The following CASTOR2 variants were observed in gnomAD, a reference collection of about 807,000 sequenced individuals.
The protein encoded by CASTOR2 is cytosolic arginine sensor for mTORC1 subunit 2.
A neutral mutation model predicts 31.2 loss-of-function variants in CASTOR2; 8 were observed. That is an observed-to-expected ratio of 0.26 (90% CI 0.15 to 0.46). CASTOR2 has a LOEUF of 0.46. Among genes scored for constraint, CASTOR2 ranks in the 20% least tolerant of loss-of-function variants. The pLI is 0.99. For synonymous variants in CASTOR2, 162 were observed against 158.7 expected (o/e 1.02, Z -0.16); for missense variants, 216 against 382.1 (o/e 0.57, Z 3.62).
At chr7:74,990,593 G>T (rs1192645776) in intron 1 of CASTOR2, among the ~76,000 whole-genome samples, 1 of 151,902 alleles carries the variant, frequency 6.6e-6, no homozygotes, top group Middle Eastern at 3.4e-3. Context: ...GGTGGCTCAC[G>T]CCCATAATCC....
chr7:75,018,509 A>T (rs1804917698), intron 4 of CASTOR2, among the ~76,000 whole-genome samples: 1 of 152,276 alleles, frequency 6.6e-6, no homozygotes, highest in East Asian at 1.9e-4. Flanking sequence ...ATTGCACTCC[A>T]GTCTGGGCAA....
chr7:75,024,490 A>G lies in CASTOR2; in HGVS notation c.880A>G (p.Ile294Val). Residue 294 changes from isoleucine (I) to valine (V), a missense_variant, in exon 8 of 9, where the codon ATC becomes GTC. By Grantham distance (29) the Ile-to-Val change is conservative. This residue lies in a region of CASTOR2 where 22 missense variants were observed against 66.4 expected (regional missense o/e 0.33). Coordinates refer to ENST00000616305, the MANE Select transcript of CASTOR2 (RefSeq NM_001145064.3). ...QISEPLAAAD[I>V]PAYYISTFKF... ...CTCAGAGCCCTTGGCTGCTGCAGACATCCCAGCCTACTACATCAGTACTTT... is the reference window on the plus strand; with the variant it reads ...CTCAGAGCCCTTGGCTGCTGCAGACGTCCCAGCCTACTACATCAGTACTTT... The G allele has an allele frequency of 6.4e-7, 1 of 1,551,554 alleles. No homozygotes were observed. The highest frequency in any genetic ancestry group is 1.2e-5 in the South Asian group (1 of 84,056).
rs1584480733 is a variant in CASTOR2 at position 75,026,879 on chromosome 7, C to T, written c.*2180C>T. On this transcript the variant is annotated 3_prime_UTR_variant, in exon 9 of 9. Transcript: ENST00000616305. ...TCCCGCCGTGCAAGTGTGTCGGCCCCGTGACCCCAGAGTCGTGTGTCCCCT... is the reference window on the plus strand; with the variant it reads ...TCCCGCCGTGCAAGTGTGTCGGCCCTGTGACCCCAGAGTCGTGTGTCCCCT... Among the ~76,000 whole-genome samples, 6 of 152,172 alleles carry T rather than the reference C, an allele frequency of 3.9e-5. No homozygotes were observed. Among genetic ancestry groups the T allele is most frequent in the East Asian group, 3.9e-4 (2 of 5,184 alleles).
At chr7:74,992,758 C>T (rs1393015611) in intron 1 of CASTOR2, among the ~76,000 whole-genome samples, 7 of 152,068 alleles carry the variant, frequency 4.6e-5, no homozygotes, top group Admixed American at 2.0e-4. Context: ...TTTAAATCAG[C>T]CTGGTATGGT....
At chr7:75,003,995 G>A (rs1411062837) in intron 1 of CASTOR2, among the ~76,000 whole-genome samples, 2 of 152,172 alleles carry the variant, frequency 1.3e-5, no homozygotes, top group Non-Finnish European at 2.9e-5. Context: ...TTCTGCTGGT[G>A]TTTATGCCCT....
At chr7:74,993,987 C>T (rs2131933513) in intron 1 of CASTOR2, among the ~76,000 whole-genome samples, 1 of 152,322 alleles carries the variant, frequency 6.6e-6, no homozygotes, top group African/African-American at 2.4e-5. Flanking sequence ...CTGGCTGGGC[C>T]AGGGCTCCTC....
At chr7:74,986,520 A>G (rs1344112116) in intron 1 of CASTOR2, among the ~76,000 whole-genome samples, 8 of 151,788 alleles carry the variant, frequency 5.3e-5, no homozygotes, top group Admixed American at 2.6e-4. Flanking sequence ...GAAAAGAAAA[A>G]AAAAGAACAT....
At chr7:74,979,417 C>G in intron 1 of CASTOR2, among the ~76,000 whole-genome samples, 1 of 122,766 alleles carries the variant, frequency 8.1e-6, no homozygotes, top group South Asian at 2.7e-4. Context: ...TTTTTTGAGA[C>G]GGAGTCTTAC....
intron 1 of CASTOR2, among the ~76,000 whole-genome samples, chr7:74,977,264 T>C (rs1436243290): frequency 6.6e-6 from 1 of 150,988 alleles, no homozygotes; most frequent in East Asian, 1.9e-4. Flanking sequence ...AAAGGTTTTC[T>C]CTTATAACAG....
chr7:75,014,419 CA>C (rs1193842037), intron 2 of CASTOR2, among the ~76,000 whole-genome samples: 10,935 of 57,550 alleles, frequency 0.19, 449 homozygotes, highest in Non-Finnish European at 0.23. Context: ...ACTAAAAATA[CA>C]AAAAAAAAAA....
At chr7:74,975,330 C>CA (rs1244697921) in intron 1 of CASTOR2, among the ~76,000 whole-genome samples, 1 of 150,294 alleles carries the variant, frequency 6.7e-6, no homozygotes, top group Non-Finnish European at 1.5e-5. Context: ...ACGCCGGTCT[C>CA]AAACTCCTGA....
intron 1 of CASTOR2, among the ~76,000 whole-genome samples, chr7:75,006,417 C>T (rs1804607219): frequency 1.3e-5 from 2 of 152,278 alleles, no homozygotes; most frequent in South Asian, 4.1e-4. Context: ...TGAAAAGGAG[C>T]TGGAGAGGTT....
chr7:74,992,317 T>C (rs1234524142), intron 1 of CASTOR2, among the ~76,000 whole-genome samples: 1 of 152,170 alleles, frequency 6.6e-6, no homozygotes, highest in East Asian at 1.9e-4. Flanking sequence ...CAAGGAACTG[T>C]AGGGCCCTGT....
chr7:75,021,736 T>G, intron 6 of CASTOR2, 138 bp from the exon 7 acceptor site: 58 of 986,424 alleles, frequency 5.9e-5, no homozygotes, highest in Middle Eastern at 2.1e-4. Context: ...CTGGAAGGGA[T>G]TGTTTTTGGG....
intron 1 of CASTOR2, among the ~76,000 whole-genome samples, chr7:75,001,219 G>T (rs1236438995): frequency 3.3e-5 from 5 of 152,186 alleles, no homozygotes; most frequent in Admixed American, 2.6e-4. Flanking sequence ...TGAGACTACA[G>T]GGGCACACCA....
rs1804088920 is a variant in CASTOR2 at position 74,987,237 on chromosome 7, T to C, written c.114-20757T>C. 1.3e-4 allele frequency among the ~76,000 whole-genome samples: 20 copies of C among 152,108 alleles called. No homozygotes were observed. In the South Asian group the frequency reaches 3.1e-3, roughly 24 times the overall value. On this transcript the variant is annotated intron_variant, in intron 1 of 8. Coordinates refer to ENST00000616305, the MANE Select transcript of CASTOR2 (RefSeq NM_001145064.3). ...CTGGCCAACATGGTGAAACCCCATC[T>C]CTACTAAAAATACAAAAATTATCCG...
chr7:74,987,297 C>T (rs1351826772), intron 1 of CASTOR2, among the ~76,000 whole-genome samples: 5 of 151,470 alleles, frequency 3.3e-5, no homozygotes, highest in African/African-American at 4.9e-5. Context: ...CTCAGCTACT[C>T]GGGAGGCTGA....
chr7:74,995,078 C>T (rs782549092), intron 1 of CASTOR2, among the ~76,000 whole-genome samples: 19 of 152,020 alleles, frequency 1.2e-4, no homozygotes, highest in East Asian at 1.9e-4. Flanking sequence ...AAGACGTCAT[C>T]GGGCTGGGCT....
intron 1 of CASTOR2, among the ~76,000 whole-genome samples, chr7:74,994,870 A>G (rs2131934406): frequency 6.6e-6 from 1 of 152,218 alleles, no homozygotes; most frequent in Non-Finnish European, 1.5e-5. Context: ...ATCTGGGGAC[A>G]GGGTGTAATA....
Sources: allele counts gnomAD v4.1 joint callset (sites outside exome capture counted in the v4.1 genomes callset), GRCh38; gene constraint gnomAD v4.1.1; regional missense constraint gnomAD v4.1.1; transcripts MANE v1.5; gene names NCBI Gene and HGNC (gene_info 2026-07-23, HGNC 2026-07-21).